MDM2: variants seen among roughly 807,000 people sequenced by gnomAD.
MDM2 encodes MDM2 proto-oncogene, also known as E3 ubiquitin-protein ligase Mdm2.
A neutral mutation model predicts 64.3 loss-of-function variants in MDM2; 11 were observed. The observed-to-expected ratio is 0.17, with a 90% CI of 0.11 to 0.28. MDM2 has a LOEUF of 0.28. MDM2 is among the 10% of genes least tolerant of loss of function. The pLI is 1.00. For synonymous variants in MDM2, 194 were observed against 192.9 expected (o/e 1.01, Z -0.05); for missense variants, 388 against 577.1 (o/e 0.67, Z 3.36).
At chr12:68,834,553 A>T (rs1293071840) in intron 8 of MDM2, among the ~76,000 whole-genome samples, 1 of 151,954 alleles carries the variant, frequency 6.6e-6, no homozygotes, top group Non-Finnish European at 1.5e-5. Context: ...CCTGGCCAAC[A>T]TGGTGAAGCC....
chr12:68,836,119 A>G, intron 9 of MDM2, 135 bp downstream of exon 9: 6 of 752,218 alleles, frequency 8.0e-6, no homozygotes, highest in Non-Finnish European at 1.2e-5. Context: ...AAACTAACAC[A>G]TTGGTTTGTG....
At chr12:68,824,306 G>A (rs930816151) in intron 5 of MDM2, 57 bp from the exon 6 acceptor site, 5 of 1,210,540 alleles carry the variant, frequency 4.1e-6, no homozygotes, top group Admixed American at 3.7e-5. Flanking sequence ...CTACTGAGTA[G>A]CGCCCCGCCG....
chr12:68,850,507 G>A (rs960360847), downstream of MDM2: 3 of 152,086 alleles, frequency 2.0e-5, no homozygotes, highest in South Asian at 2.1e-4. Context: ...TTTGTTTAGC[G>A]TGTTTCAAAG....
Position 68,808,448 on chromosome 12 carries a change from G to A in MDM2, c.-30G>A. 1 of 1,614,020 alleles carries A rather than the reference G, an allele frequency of 6.2e-7. No individual in the cohort carries two copies. Among genetic ancestry groups the A allele is most frequent in the Non-Finnish European group, 8.5e-7 (1 of 1,179,986 alleles). ...TGAAGGAAACTGGGGAGTCTTGAGGGACCCCCGACTCCAAGCGCGAAAACC... is the reference window on the plus strand; with the variant it reads ...TGAAGGAAACTGGGGAGTCTTGAGGAACCCCCGACTCCAAGCGCGAAAACC... On this transcript the variant is annotated 5_prime_UTR_variant, in exon 1 of 11. Transcript: ENST00000258149.
chr12:68,834,601 G>C (rs11177388), intron 8 of MDM2, among the ~76,000 whole-genome samples: 1 of 151,910 alleles, frequency 6.6e-6, no homozygotes, highest in African/African-American at 2.4e-5. Flanking sequence ...GCCAGGCATG[G>C]TGGCATGCGC....
chr12:68,836,227 T>C (rs1883298142), intron 9 of MDM2, among the ~76,000 whole-genome samples: 1 of 152,160 alleles, frequency 6.6e-6, no homozygotes, highest in Non-Finnish European at 1.5e-5. Context: ...ATGCTTATTA[T>C]AATGGTCTGT....
chr12:68,823,123 A>G (rs1311658220), intron 5 of MDM2, among the ~76,000 whole-genome samples: 2 of 152,218 alleles, frequency 1.3e-5, no homozygotes, highest in African/African-American at 4.8e-5. Context: ...ATAACCTATT[A>G]TGTACAACTT....
rs375165342 is a variant in MDM2 at position 68,839,877 on chromosome 12, T to C, written c.*28T>C. The C allele has an allele frequency of 1.9e-6, 3 of 1,583,914 alleles. No individual in the cohort carries two copies. In the African/African-American group the frequency reaches 4.1e-5, roughly 22 times the overall value. On this transcript the variant is annotated 3_prime_UTR_variant, in exon 11 of 11. Transcript: ENST00000258149. ...GACCTGTCTATAAGAGAATTATATA[T>C]TTCTAACTATATAACCCTAGGAATT...
At position 68,843,215 on chromosome 12, in the gene MDM2, T is replaced by A; in HGVS notation, c.*3366T>A. On this transcript the variant is annotated 3_prime_UTR_variant, in exon 11 of 11. Transcript: ENST00000258149. ...CAGAGTTAAATTTGAAGGAATAAGT[T>A]CTAGCTGAAGTATTATGAACTCCAA... 4.4e-6 allele frequency: 1 copy of A among 225,272 alleles called. No homozygotes were observed. Among genetic ancestry groups the A allele is most frequent in the Non-Finnish European group, 8.8e-6 (1 of 113,222 alleles). The allele number at this position is 225,272 out of a possible 1,614,324, so 14.0% of individuals were successfully genotyped here.
intron 1 of MDM2, chr12:68,808,874 G>A: frequency 7.4e-7 from 1 of 1,356,602 alleles, no homozygotes; most frequent in Non-Finnish European, 9.5e-7. Context: ...GTCTGGGCGG[G>A]ATTGGGCCGG....
intron 8 of MDM2, among the ~76,000 whole-genome samples, chr12:68,831,909 A>G (rs1427309280): frequency 1.3e-5 from 2 of 152,124 alleles, no homozygotes; most frequent in African/African-American, 4.8e-5. Flanking sequence ...ATCTCTACTA[A>G]AAATACCAAA....
At chr12:68,812,898 C>T (rs376158665) in intron 2 of MDM2, among the ~76,000 whole-genome samples, 56 of 152,112 alleles carry the variant, frequency 3.7e-4, no homozygotes, top group African/African-American at 1.3e-3. Context: ...AAAAATTGAC[C>T]CCTAATCTAG....
Position 68,839,354 on chromosome 12 carries a change from G to T in MDM2, c.999G>T (p.Glu333Asp), listed in dbSNP as rs377647994. The change falls in exon 11 of 11, where the codon GAG becomes GAT. Residue 333 changes from glutamate (E) to aspartate (D), a missense_variant. Physicochemically the swap from Glu to Asp is conservative, Grantham distance 45. Coordinates refer to ENST00000258149, the MANE Select transcript of MDM2 (RefSeq NM_002392.6). ...SHCNRCWALRENWLPEDKGKD... is the reference protein window; with the variant it reads ...SHCNRCWALRDNWLPEDKGKD... ...GCAACAGATGTTGGGCCCTTCGTGA[G>T]AATTGGCTTCCTGAAGATAAAGGGA... The T allele has an allele frequency of 1.5e-5, 24 of 1,613,930 alleles. No homozygotes were observed. In the African/African-American group the frequency reaches 3.2e-4, roughly 22 times the overall value.
intron 2 of MDM2, 97 bp downstream of exon 2, chr12:68,809,389 A>G: frequency 9.1e-7 from 1 of 1,100,822 alleles, no homozygotes; most frequent in South Asian, 1.3e-5. Flanking sequence ...GGCTCTGTAA[A>G]TAAAATTGTA....
At chr12:68,836,064 ATAT>A (rs1163322115) in intron 9 of MDM2, 80 bp downstream of exon 9, 27 of 1,225,130 alleles carry the variant, frequency 2.2e-5, no homozygotes, top group African/African-American at 6.1e-5. Context: ...GATTGAAATA[ATAT>A]TATTCAGATT....
intron 8 of MDM2, among the ~76,000 whole-genome samples, chr12:68,830,482 C>A (rs1011004165): frequency 6.6e-6 from 1 of 152,122 alleles, no homozygotes; most frequent in Non-Finnish European, 1.5e-5. Flanking sequence ...ATACCAAATT[C>A]CATACAGTTG....
rs961685367 is a variant in MDM2 at position 68,808,207 on chromosome 12, G to A, written c.-271G>A. The stretch of plus-strand genomic sequence containing the variant: ...CGCACCGAGGCACCGCGGCGAGCTT[G>A]GCTGCTTCTGGGGCCTGTGTGGCCC... On this transcript the variant is annotated 5_prime_UTR_variant, in exon 1 of 11. Coordinates refer to ENST00000258149, the MANE Select transcript of MDM2 (RefSeq NM_002392.6). The A allele has an allele frequency of 1.9e-6, 1 of 515,030 alleles. No individual in the cohort carries two copies. Among genetic ancestry groups the A allele is most frequent in the African/African-American group, 2.0e-5 (1 of 49,322 alleles). 31.9% of individuals were successfully genotyped at this position (515,030 alleles called of 1,614,324 possible).
intron 5 of MDM2, chr12:68,824,151 T>A (rs1882103436): frequency 7.6e-6 from 4 of 527,286 alleles, no homozygotes; most frequent in Non-Finnish European, 1.0e-5. Flanking sequence ...AATGTCTTGA[T>A]TATACTTTAC....
intron 2 of MDM2, among the ~76,000 whole-genome samples, chr12:68,811,563 T>C (rs1019597604): frequency 2.6e-5 from 4 of 151,970 alleles, no homozygotes; most frequent in Admixed American, 2.0e-4. Flanking sequence ...AATACATGTC[T>C]TTTAAGTCAC....
Sources: allele counts gnomAD v4.1 joint callset (sites outside exome capture counted in the v4.1 genomes callset), GRCh38; gene constraint gnomAD v4.1.1; transcripts MANE v1.5; gene names NCBI Gene and HGNC (gene_info 2026-07-23, HGNC 2026-07-21).